Variants in ZNF746 observed in about 807,000 individuals in gnomAD.
ZNF746 encodes the protein zinc finger protein 746, also known as parkin-interacting substrate.
ZNF746 carries 13 observed loss-of-function variants against 41.0 expected under a neutral mutation model. The observed-to-expected ratio is 0.32, with a 90% CI of 0.21 to 0.50. The LOEUF is 0.50. Among genes scored for constraint, ZNF746 ranks in the 20% least tolerant of loss-of-function variants. The pLI, the probability that ZNF746 is intolerant of heterozygous loss-of-function variation, is 0.98. For missense variants in ZNF746, 811 were observed against 922.9 expected (o/e 0.88, Z 1.57); for synonymous variants, 424 against 396.2 (o/e 1.07, Z -0.83).
At chr7:149,479,420 A>G (rs1800418921) in intron 4 of ZNF746, among the ~76,000 whole-genome samples, 1 of 152,236 alleles carries the variant, frequency 6.6e-6, no homozygotes, top group Non-Finnish European at 1.5e-5. Context: ...TATTGCACAA[A>G]CTAGAGGGGT....
chr7:149,484,257 G>C (rs1800560025), intron 4 of ZNF746, among the ~76,000 whole-genome samples: 1 of 152,048 alleles, frequency 6.6e-6, no homozygotes, highest in South Asian at 2.1e-4. Context: ...AAAATTACAA[G>C]CCCATCTCAT....
Position 149,497,472 on chromosome 7 carries a change from C to G in ZNF746, c.24+41G>C. The G allele has an allele frequency of 9.2e-7, 1 of 1,082,442 alleles. No homozygotes were observed. Among genetic ancestry groups the G allele is most frequent in the South Asian group, 4.1e-5 (1 of 24,158 alleles). The allele number at this position is 1,082,442 out of a possible 1,614,324, so 67.1% of individuals were successfully genotyped here. ...TGTGCCGGGGCCGGGCCGCCTGGGG[C>G]CCCCAGGCCGCGAGTCCCTGCGCGC... is the stretch of plus-strand genomic sequence containing the variant. On this transcript the variant is annotated intron_variant, in intron 1 of 6. Coordinates refer to ENST00000458143, the MANE Select transcript of ZNF746 (RefSeq NM_001394198.1). This position sits in a 1 kb window ranked among gnomAD's most constrained non-coding sequence, Gnocchi z 4.2.
chr7:149,495,714 G>A (rs931241127), intron 1 of ZNF746, among the ~76,000 whole-genome samples: 2 of 152,220 alleles, frequency 1.3e-5, no homozygotes, highest in Non-Finnish European at 2.9e-5. Flanking sequence ...GAACTAGAAT[G>A]CGGATGGACA....
Position 149,494,583 on chromosome 7 carries a change from G to A in ZNF746, c.25-80C>T, listed in dbSNP as rs1002136407. 12 of 1,554,358 alleles carry A rather than the reference G, an allele frequency of 7.7e-6. No homozygotes were observed. The African/African-American group carries it at 1.5e-4, about 19-fold the overall frequency. The stretch of plus-strand genomic sequence containing the variant: ...GAGCCCCTCTCTCCCTAGGCACGGG[G>A]GAGTTGGGCTGGGAGTCCATATGTG... On this transcript the variant is annotated intron_variant, in intron 1 of 6. Transcript: ENST00000458143. The surrounding 1 kb of genome is among the most constrained non-coding windows in gnomAD (Gnocchi z 5.6).
In ZNF746 at chr7:149,477,011, G is replaced by A. The variant is rs755332098; in HGVS notation, c.794C>T (p.Thr265Ile). The A allele has an allele frequency of 3.7e-6, 6 of 1,613,856 alleles. No individual in the cohort carries two copies. Among genetic ancestry groups the A allele is most frequent in the Non-Finnish European group, 5.1e-6 (6 of 1,179,944 alleles). The change falls in exon 6 of 7, where the codon ACC (threonine) becomes ATC (isoleucine). Residue 265 changes from threonine (T) to isoleucine (I), a missense_variant. Physicochemically the swap from Thr to Ile is moderately conservative, Grantham distance 89. Transcript: ENST00000458143. The part of the protein sequence containing the change: ...HSNFSTTIPP[T>I]SWQTDLPPHH... The stretch of plus-strand genomic sequence containing the variant: ...GGGAGGGAGATCCGTTTGCCAGGAG[G>A]TGGGCGGGATGGTGGTGGAAAAGTT...
At chr7:149,491,537 C>A in intron 4 of ZNF746, 2 of 299,540 alleles carry the variant, frequency 6.7e-6, no homozygotes, top group South Asian at 8.4e-5. Context: ...GTCCTTGACG[C>A]CTAGAAGATT....
At chr7:149,491,097 G>C (rs971417097) in intron 4 of ZNF746, 2 of 152,958 alleles carry the variant, frequency 1.3e-5, no homozygotes, top group Non-Finnish European at 2.9e-5. Context: ...GGTCTCACAA[G>C]GGGATGGGTC....
intron 4 of ZNF746, 45 bp downstream of exon 4, chr7:149,492,814 C>A (rs1800848098): frequency 4.3e-6 from 6 of 1,388,924 alleles, no homozygotes; most frequent in South Asian, 1.2e-5. Flanking sequence ...GTCTCTGTTT[C>A]CTGCACAATA....
Position 149,494,411 on chromosome 7 carries a change from G to A in ZNF746, c.117C>T (p.Thr39=), listed in dbSNP as rs764761302. The A allele has an allele frequency of 4.5e-5, 72 of 1,613,888 alleles. No individual in the cohort carries two copies. Among genetic ancestry groups the A allele is most frequent in the Middle Eastern group, 3.3e-4 (2 of 6,078 alleles). ...CAGCCAGCTTCTTCTCGGCCATCCC[G>A]GTTCGACCTTCTAGGGAAAGCAGGC... The part of the protein sequence containing the change: ...AARLLSLEGR[T]GMAEKKLADC... The change falls in exon 2 of 7, where the codon ACC becomes ACT. Residue 39 remains threonine (T), a synonymous_variant. Coordinates refer to ENST00000458143, the MANE Select transcript of ZNF746 (RefSeq NM_001394198.1). This position sits in a 1 kb window ranked among gnomAD's most constrained non-coding sequence, Gnocchi z 5.6.
rs564867784 is a variant in ZNF746 at position 149,476,927 on chromosome 7, G to A, written c.878C>T (p.Thr293Met). Residue 293 changes from threonine to methionine, a missense_variant, in exon 6 of 7, where the codon ACG (threonine) becomes ATG (methionine). By Grantham distance (81) the Thr-to-Met change is moderately conservative. Transcript: ENST00000458143. ...CCTCCTCTCGCCACCTGTACCTTCC[G>A]TGGAGGCTGCTGTGTTGAGCTTCAG... is the stretch of plus-strand genomic sequence containing the variant. ...GTLKLNTAAS[T>M]EADVKIVIKT... 2.5e-5 allele frequency: 40 copies of A among 1,614,020 alleles called. No homozygotes were observed. Among genetic ancestry groups the A allele is most frequent in the Middle Eastern group, 1.7e-4 (1 of 6,058 alleles).
At chr7:149,493,029 C>A in intron 3 of ZNF746, 57 bp from the exon 4 acceptor site, 1 of 1,206,872 alleles carries the variant, frequency 8.3e-7, no homozygotes, top group South Asian at 1.3e-5. Context: ...TGGGGACAGT[C>A]ATCCCGGAAA....
intron 4 of ZNF746, among the ~76,000 whole-genome samples, chr7:149,486,220 T>C (rs1469545946): frequency 6.6e-6 from 1 of 152,100 alleles, no homozygotes; most frequent in Non-Finnish European, 1.5e-5. Context: ...AAAAACAGCA[T>C]TTCCCAGGGT....
At chr7:149,481,198 A>C (rs1563251253) in intron 4 of ZNF746, among the ~76,000 whole-genome samples, 1 of 152,242 alleles carries the variant, frequency 6.6e-6, no homozygotes, top group Non-Finnish European at 1.5e-5. Context: ...AAGAGAAAAT[A>C]ACACTCAAGC....
At chr7:149,496,940 TC>T (rs1801018510) in intron 1 of ZNF746, 1 of 985,220 alleles carries the variant, frequency 1.0e-6, no homozygotes, top group African/African-American at 1.7e-5. Context: ...CCCGGGTTTT[TC>T]TTTTGTATGA....
At chr7:149,489,133 C>A (rs1800715135) in intron 4 of ZNF746, 1 of 151,930 alleles carries the variant, frequency 6.6e-6, no homozygotes, top group African/African-American at 2.4e-5. Context: ...AAGTACACAG[C>A]AGACGTTTTA....
rs955506947 is a variant in ZNF746 at position 149,497,474 on chromosome 7, C to A, written c.24+39G>T. ...TGCCGGGGCCGGGCCGCCTGGGGCC[C>A]CCAGGCCGCGAGTCCCTGCGCGCGC... On this transcript the variant is annotated intron_variant, in intron 1 of 6. Transcript: ENST00000458143. The surrounding 1 kb of genome is among the most constrained non-coding windows in gnomAD (Gnocchi z 4.2). 3 of 1,084,940 alleles carry A rather than the reference C, an allele frequency of 2.8e-6. No homozygotes were observed. The highest frequency in any genetic ancestry group is 3.4e-5 in the African/African-American group (2 of 58,948). 67.2% of individuals were successfully genotyped at this position (1,084,940 alleles called of 1,614,324 possible). A position where few individuals can be genotyped will look rare whatever the true frequency, so the allele number is the denominator to read the frequency against.
chr7:149,485,114 T>A (rs1297451968), intron 4 of ZNF746, among the ~76,000 whole-genome samples: 2 of 120,294 alleles, frequency 1.7e-5, no homozygotes, highest in African/African-American at 3.2e-5. Context: ...AAACAGAAAA[T>A]GCAAGTTAAA....
intron 6 of ZNF746, among the ~76,000 whole-genome samples, chr7:149,476,532 G>A (rs1280295302): frequency 2.0e-5 from 3 of 151,996 alleles, no homozygotes; most frequent in African/African-American, 7.3e-5. Context: ...TTCTGAAATC[G>A]GCCTTCAGAC....
At position 149,480,715 on chromosome 7, in the gene ZNF746, C is replaced by A. The variant is rs140115829; in HGVS notation, c.566-2960G>T. Among the ~76,000 whole-genome samples, 193 of 152,276 alleles carry A rather than the reference C, an allele frequency of 1.3e-3. 3 individuals are homozygous for A. The East Asian group carries it at 0.034, about 27-fold the overall frequency. ...CCTCCCCAAGTGCTAGGATTACAGG[C>A]GTGAGCTACCGCGCCTGGCTAATAA... On this transcript the variant is annotated intron_variant, in intron 4 of 6. Coordinates refer to ENST00000458143, the MANE Select transcript of ZNF746 (RefSeq NM_001394198.1).
Sources: allele counts gnomAD v4.1 joint callset (sites outside exome capture counted in the v4.1 genomes callset), GRCh38; gene constraint gnomAD v4.1.1; non-coding constraint Gnocchi (gnomAD v3.1); transcripts MANE v1.5; gene names NCBI Gene and HGNC (gene_info 2026-07-23, HGNC 2026-07-21).